PRDM10: variants seen among roughly 807,000 people sequenced by gnomAD.
The protein encoded by PRDM10 is PR/SET domain 10, also known as PR domain zinc finger protein 10.
PRDM10 carries 65 observed loss-of-function variants against 133.1 expected under a neutral mutation model. That is an observed-to-expected ratio of 0.49 (90% CI 0.40 to 0.60). PRDM10 has a LOEUF of 0.60. Among genes scored for constraint, PRDM10 ranks in the 20% least tolerant of loss-of-function variants. The pLI, the probability that PRDM10 is intolerant of heterozygous loss-of-function variation, is 0.00. For synonymous variants in PRDM10, 582 were observed against 580.4 expected (o/e 1.00, Z -0.04); for missense variants, 1,137 against 1,507.1 (o/e 0.75, Z 4.07).
chr11:129,982,436 G>A (rs763821490), intron 1 of PRDM10, among the ~76,000 whole-genome samples: 15 of 151,832 alleles, frequency 9.9e-5, no homozygotes, highest in Admixed American at 7.2e-4. Context: ...CTAATTTTTT[G>A]TATTTTTAGT....
At chr11:129,903,337 AAT>A (rs1414435070) in intron 20 of PRDM10, among the ~76,000 whole-genome samples, 3 of 138,838 alleles carry the variant, frequency 2.2e-5, no homozygotes, top group East Asian at 2.0e-4. Context: ...TAATAATAAT[AAT>A]AAATGGTTCC....
At chr11:129,950,682 C>G (rs1468471398) in intron 4 of PRDM10, among the ~76,000 whole-genome samples, 2 of 152,182 alleles carry the variant, frequency 1.3e-5, no homozygotes, top group Non-Finnish European at 2.9e-5. Context: ...AGCGCTTAAG[C>G]ATTATGCCAG....
chr11:129,937,587 C>T lies in PRDM10; in HGVS notation c.1039+11G>A, dbSNP rs201002301. On this transcript the variant is annotated intron_variant, in intron 8 of 20. Transcript: ENST00000360871. The stretch of plus-strand genomic sequence containing the variant: ...TCATATAGAAAATGTAAAACATAAA[C>T]GTCTAACCACCTTTCCTTTCTTCCT... The T allele has an allele frequency of 9.9e-6, 16 of 1,610,276 alleles. No individual in the cohort carries two copies. The highest frequency in any genetic ancestry group is 3.4e-5 in the Admixed American group (2 of 59,676).
intron 6 of PRDM10, among the ~76,000 whole-genome samples, chr11:129,944,427 A>C (rs1012665180): frequency 6.6e-6 from 1 of 152,016 alleles, no homozygotes; most frequent in South Asian, 2.1e-4. Flanking sequence ...CTAAAAATAC[A>C]AAAAGAAATT....
intron 12 of PRDM10, among the ~76,000 whole-genome samples, chr11:129,924,665 TA>T (rs1950622255): frequency 6.6e-6 from 1 of 152,228 alleles, no homozygotes; most frequent in African/African-American, 2.4e-5. Flanking sequence ...ACTTGTAACT[TA>T]AACACTTCAA....
rs553948682 is a variant in PRDM10 at position 129,925,703 on chromosome 11, A to AAAAC, written c.1531-478_1531-475dup. 6.6e-3 allele frequency among the ~76,000 whole-genome samples: 750 copies of AAAAC among 113,208 alleles called. 6 individuals are homozygous for AAAAC. The highest frequency in any genetic ancestry group is 0.032 in the African/African-American group (644 of 20,444). 74.3% of individuals were successfully genotyped at this position (113,208 alleles called of 152,430 possible). A position where few individuals can be genotyped will look rare whatever the true frequency, so the allele number is the denominator to read the frequency against. On this transcript the variant is annotated intron_variant, in intron 11 of 20. Transcript: ENST00000360871. ...CTTGATTAAAACATTTAGCAAAAAC[A>AAAAC]AAACAAACAAACAAACAAACAAAAA... is the stretch of plus-strand genomic sequence containing the variant.
chr11:129,947,716 A>C lies in PRDM10; in HGVS notation c.295-346T>G. The C allele has an allele frequency of 2.2e-6, 1 of 463,166 alleles. No individual in the cohort carries two copies. Among genetic ancestry groups the C allele is most frequent in the Non-Finnish European group, 3.8e-6 (1 of 261,102 alleles). The allele number at this position is 463,166 out of a possible 1,614,324, so 28.7% of individuals were successfully genotyped here. A position where few individuals can be genotyped will look rare whatever the true frequency, so the allele number is the denominator to read the frequency against. On this transcript the variant is annotated intron_variant, in intron 4 of 20. Coordinates refer to ENST00000360871, the MANE Select transcript of PRDM10 (RefSeq NM_199437.2). The surrounding 1 kb of genome is among the most constrained non-coding windows in gnomAD (Gnocchi z 4.6). ...ACCTGCGTCCTGACCCCACCCCTAA[A>C]ACTTAATAAAACCTGGTCTCTTCCT...
intron 1 of PRDM10, among the ~76,000 whole-genome samples, chr11:129,982,122 G>T (rs1938143926): frequency 6.6e-6 from 1 of 151,758 alleles, no homozygotes; most frequent in Admixed American, 6.6e-5. Flanking sequence ...AGCTGGGTGT[G>T]GTGGCATGTG....
intron 2 of PRDM10, among the ~76,000 whole-genome samples, chr11:129,958,240 C>T (rs181507266): frequency 3.0e-4 from 46 of 152,286 alleles, no homozygotes; most frequent in Non-Finnish European, 4.4e-4. Flanking sequence ...ATACAAATTA[C>T]TCTGTGGTGT....
At position 129,960,961 on chromosome 11, in the gene PRDM10, C is replaced by T; in HGVS notation, c.4G>A (p.Asp2Asn). The change falls in exon 2 of 21, where the codon GAT (aspartate) becomes AAT (asparagine). Residue 2 changes from aspartate (D) to asparagine (N), a missense_variant. Transcript: ENST00000360871. M[D>N]SKDESSHVWP... is the part of the protein sequence containing the mutation. The stretch of plus-strand genomic sequence containing the variant: ...ACATGCGAGCTTTCATCTTTGGAAT[C>T]CATCTTCTCCCAACTGGACAGCTCC... 6.2e-7 allele frequency: 1 copy of T among 1,614,104 alleles called. No homozygotes were observed. The highest frequency in any genetic ancestry group is 8.5e-7 in the Non-Finnish European group (1 of 1,180,014).
chr11:129,933,975 A>C (rs1228744299), intron 9 of PRDM10, among the ~76,000 whole-genome samples: 1 of 152,168 alleles, frequency 6.6e-6, no homozygotes, highest in Non-Finnish European at 1.5e-5. Context: ...TCTCCAGTTC[A>C]ATCCTTCCGG....
intron 13 of PRDM10, among the ~76,000 whole-genome samples, chr11:129,920,881 T>A (rs1001361179): frequency 6.6e-6 from 1 of 151,868 alleles, no homozygotes; most frequent in African/African-American, 2.4e-5. Context: ...CACCACAACC[T>A]CCGCCTCCCG....
intron 1 of PRDM10, among the ~76,000 whole-genome samples, chr11:129,966,276 A>G (rs1208595021): frequency 6.6e-6 from 1 of 152,036 alleles, no homozygotes; most frequent in Non-Finnish European, 1.5e-5. Flanking sequence ...AAAAAATCCA[A>G]ATTACCTGCC....
chr11:129,904,070 T>C (rs774875727), intron 20 of PRDM10, among the ~76,000 whole-genome samples: 25 of 149,286 alleles, frequency 1.7e-4, no homozygotes, highest in Non-Finnish European at 2.9e-4. Flanking sequence ...TGACAATTAA[T>C]AGTGTTACTC....
Position 129,947,755 on chromosome 11 carries a change from G to A in PRDM10, c.295-385C>T, listed in dbSNP as rs527932011. 2.4e-4 allele frequency: 91 copies of A among 381,540 alleles called. No individual in the cohort carries two copies. Among genetic ancestry groups the A allele is most frequent in the African/African-American group, 1.4e-3 (69 of 48,342 alleles). The allele number at this position is 381,540 out of a possible 1,614,324, so 23.6% of individuals were successfully genotyped here. On this transcript the variant is annotated intron_variant, in intron 4 of 20. Transcript: ENST00000360871. This position sits in a 1 kb window ranked among gnomAD's most constrained non-coding sequence, Gnocchi z 4.6. Reference sequence around the variant, plus strand: ...TGGTCTCTTCCTGGCTCATTCAGCCGTTTCACACTGCTTGAGAGGCCTGCC... The same window carrying A: ...TGGTCTCTTCCTGGCTCATTCAGCCATTTCACACTGCTTGAGAGGCCTGCC...
At chr11:129,978,993 C>A (rs949341369) in intron 1 of PRDM10, among the ~76,000 whole-genome samples, 2 of 152,182 alleles carry the variant, frequency 1.3e-5, no homozygotes, top group African/African-American at 2.4e-5. Flanking sequence ...GGCTGAGACA[C>A]TTGTTGGGGG....
At chr11:129,935,334 T>A (rs1267026901) in intron 8 of PRDM10, 116 bp from the exon 9 acceptor site, 1 of 744,706 alleles carries the variant, frequency 1.3e-6, no homozygotes, top group Non-Finnish European at 2.3e-6. Context: ...TTCATAACTA[T>A]ATAGTATCTG....
At chr11:129,912,870 A>C (rs1283007585) in intron 17 of PRDM10, among the ~76,000 whole-genome samples, 1 of 149,904 alleles carries the variant, frequency 6.7e-6, no homozygotes, top group African/African-American at 2.5e-5. Flanking sequence ...GACAAGCCTG[A>C]CCAATGTGGT....
At chr11:129,964,791 C>A (rs942035385) in intron 1 of PRDM10, among the ~76,000 whole-genome samples, 1 of 152,168 alleles carries the variant, frequency 6.6e-6, no homozygotes, top group African/African-American at 2.4e-5. Context: ...TAGTATCCCA[C>A]ATTTTTTGGA....
Sources: allele counts gnomAD v4.1 joint callset (sites outside exome capture counted in the v4.1 genomes callset), GRCh38; gene constraint gnomAD v4.1.1; non-coding constraint Gnocchi (gnomAD v3.1); transcripts MANE v1.5; gene names NCBI Gene and HGNC (gene_info 2026-07-23, HGNC 2026-07-21).